Variants in TBCK observed in about 807,000 individuals in gnomAD.
The protein encoded by TBCK is TBC1 domain containing kinase.
In TBCK, 99 loss-of-function variants were observed where a neutral mutation model predicts 113.4. The ratio of observed to expected loss-of-function variants is 0.87; its 90% CI spans 0.74 to 1.03. The LOEUF is 1.03. Ranked by LOEUF, TBCK falls within the 50% of genes least tolerant of loss-of-function variation. The probability of loss-of-function intolerance (pLI) is 0.00; values close to 1 mark genes in which losing one functional copy is unlikely to be tolerated. For synonymous variants in TBCK, 369 were observed against 370.8 expected, an observed-to-expected ratio of 1.00 and a Z score of 0.05; for missense variants, 1,045 against 1,061.3, an observed-to-expected ratio of 0.98 and a Z score of 0.21.
At chr4:106,249,259 C>T (rs1385598517) in intron 7 of TBCK, among the ~76,000 whole-genome samples, 1 of 152,138 alleles carries the variant, frequency 6.6e-6, no homozygotes, top group African/African-American at 2.4e-5. Flanking sequence ...TACTCTAGCT[C>T]TCTCTGTCTC....
chr4:106,303,460 G>A lies in TBCK; in HGVS notation c.193+5308C>T, dbSNP rs137903498. ...ACACAATTTTATATGTAATTTGAAG[G>A]GGTTCACAGACCTCCCAAAGCCTAC... On this transcript the variant is annotated intron_variant, in intron 2 of 25. Transcript: ENST00000394708. 6.7e-3 allele frequency among the ~76,000 whole-genome samples: 1,020 copies of A among 152,024 alleles called. 9 individuals carry two copies. The highest frequency in any genetic ancestry group is 0.013 in the Admixed American group (205 of 15,272).
At chr4:106,117,373 T>C (rs1743648062) in intron 23 of TBCK, among the ~76,000 whole-genome samples, 1 of 152,226 alleles carries the variant, frequency 6.6e-6, no homozygotes, top group Non-Finnish European at 1.5e-5. Flanking sequence ...TAATATAATT[T>C]ATGTTATATA....
chr4:106,075,106 A>G (rs949028042), intron 25 of TBCK, among the ~76,000 whole-genome samples: 2 of 152,194 alleles, frequency 1.3e-5, no homozygotes, highest in African/African-American at 4.8e-5. Flanking sequence ...TATAATTCCA[A>G]CAAATATGCT....
chr4:106,252,435 A>C (rs1349168677), intron 5 of TBCK, among the ~76,000 whole-genome samples: 1 of 152,010 alleles, frequency 6.6e-6, no homozygotes, highest in Non-Finnish European at 1.5e-5. Context: ...TTGAAAAGTA[A>C]AACTCCTATC....
At chr4:106,176,325 T>C (rs1052560757) in intron 22 of TBCK, among the ~76,000 whole-genome samples, 4 of 151,942 alleles carry the variant, frequency 2.6e-5, no homozygotes, top group Non-Finnish European at 5.9e-5. Flanking sequence ...TTCATCCCCA[T>C]CCCCCAGCCC....
At chr4:106,094,195 C>A (rs151169866) in intron 25 of TBCK, among the ~76,000 whole-genome samples, 2 of 152,164 alleles carry the variant, frequency 1.3e-5, no homozygotes, top group Non-Finnish European at 2.9e-5. Context: ...TTCATACACA[C>A]TCGCTCTAGG....
At position 106,161,390 on chromosome 4, in the gene TBCK, A is replaced by T. The variant is rs572004343; in HGVS notation, c.2235+9705T>A. On this transcript the variant is annotated intron_variant, in intron 23 of 25. Coordinates refer to ENST00000394708, the MANE Select transcript of TBCK (RefSeq NM_001163435.3). ...AAGGCTCAGGGCCTATCTTTTAAAC[A>T]AGAGGGGCCTCATTTTTTCTTAGCT... 4.6e-5 allele frequency among the ~76,000 whole-genome samples: 7 copies of T among 152,290 alleles called. No individual in the cohort carries two copies. The East Asian group carries it at 1.4e-3, about 29-fold the overall frequency.
rs575981772 is a variant in TBCK, at chr4:106,261,433, G to C, written c.381+665C>G. 7.2e-5 allele frequency among the ~76,000 whole-genome samples: 11 copies of C among 152,090 alleles called. No homozygotes were observed. The South Asian group carries it at 1.9e-3, about 26-fold the overall frequency. ...AAGTATTGATTTGGGAAAAGAACCAGAGAACAAGGATAATCCTAACACAGC... is the reference window on the plus strand; with the variant it reads ...AAGTATTGATTTGGGAAAAGAACCACAGAACAAGGATAATCCTAACACAGC... On this transcript the variant is annotated intron_variant, in intron 4 of 25. Transcript: ENST00000394708.
At chr4:106,070,855 T>C (rs1435586190) in intron 25 of TBCK, among the ~76,000 whole-genome samples, 1 of 152,234 alleles carries the variant, frequency 6.6e-6, no homozygotes, top group Non-Finnish European at 1.5e-5. Flanking sequence ...TTCAAGTTCT[T>C]CCTGGTTTAG....
chr4:106,062,381 T>C (rs1736150330), intron 25 of TBCK, among the ~76,000 whole-genome samples: 1 of 151,814 alleles, frequency 6.6e-6, no homozygotes. Flanking sequence ...AGTCTTGTGG[T>C]AAATTTTCTT....
chr4:106,202,987 A>G (rs957294196), intron 20 of TBCK, among the ~76,000 whole-genome samples: 4 of 152,076 alleles, frequency 2.6e-5, no homozygotes, highest in Non-Finnish European at 5.9e-5. Context: ...AATAGATGAT[A>G]TAGAAATAAA....
chr4:106,242,595 A>C, intron 11 of TBCK, 26 bp from the exon 12 acceptor site: 8 of 1,489,656 alleles, frequency 5.4e-6, no homozygotes, highest in Non-Finnish European at 6.4e-6. Flanking sequence ...TAAAAATAAT[A>C]TGTACACAAA....
chr4:106,093,480 C>G (rs942260073), intron 25 of TBCK, among the ~76,000 whole-genome samples: 1 of 152,152 alleles, frequency 6.6e-6, no homozygotes, highest in East Asian at 1.9e-4. Flanking sequence ...GCACTCCAGC[C>G]TGGGCGAAAG....
At chr4:106,138,342 C>T (rs1746807317) in intron 23 of TBCK, among the ~76,000 whole-genome samples, 1 of 140,448 alleles carries the variant, frequency 7.1e-6, no homozygotes, top group Admixed American at 7.0e-5. Flanking sequence ...AATTTATATT[C>T]AACTGGCAAA....
At chr4:106,268,409 A>G (rs1763177568) in intron 3 of TBCK, among the ~76,000 whole-genome samples, 1 of 152,084 alleles carries the variant, frequency 6.6e-6, no homozygotes, top group Non-Finnish European at 1.5e-5. Context: ...AGTGTCTGTA[A>G]TGTGCATGTT....
At chr4:106,212,583 A>G (rs1464481644) in intron 20 of TBCK, among the ~76,000 whole-genome samples, 167 bp downstream of exon 20, 1 of 152,186 alleles carries the variant, frequency 6.6e-6, no homozygotes, top group African/African-American at 2.4e-5. Flanking sequence ...TAAGGTGGAA[A>G]TATGGAAAGT....
At chr4:106,064,113 A>G (rs1273684681) in intron 25 of TBCK, among the ~76,000 whole-genome samples, 2 of 151,972 alleles carry the variant, frequency 1.3e-5, no homozygotes, top group African/African-American at 4.8e-5. Context: ...CCAACCTATC[A>G]TCTACAGATC....
intron 6 of TBCK, chr4:106,251,275 T>G (rs911695443): frequency 1.3e-5 from 2 of 156,602 alleles, no homozygotes; most frequent in Non-Finnish European, 2.9e-5. Flanking sequence ...TTCATTAATG[T>G]TGGCTATCAT....
At chr4:106,081,294 A>G (rs1738847044) in intron 25 of TBCK, among the ~76,000 whole-genome samples, 2 of 152,224 alleles carry the variant, frequency 1.3e-5, no homozygotes, top group Non-Finnish European at 2.9e-5. Context: ...ATGCACATCA[A>G]TGATAGACTG....
Sources: gnomAD v4.1 joint callset for allele counts (sites outside exome capture counted in the v4.1 genomes callset) on GRCh38, gnomAD v4.1.1 for gene constraint, MANE v1.5 for transcripts, NCBI Gene and HGNC (gene_info 2026-07-23, HGNC 2026-07-21) for gene names.